The following MARK3 variants were observed in gnomAD, a reference collection of about 807,000 sequenced individuals.
MARK3 encodes the protein microtubule affinity regulating kinase 3.
MARK3 carries 46 observed loss-of-function variants against 90.1 expected under a neutral mutation model. The ratio of observed to expected loss-of-function variants is 0.51; its 90% CI spans 0.40 to 0.65. The LOEUF (loss-of-function observed/expected upper bound fraction) is 0.65, where lower values mean the gene tolerates loss of function less well. Ranked by LOEUF, MARK3 falls within the 30% of genes least tolerant of loss-of-function variation. The pLI is 0.00. For synonymous variants in MARK3, 321 were observed against 332.6 expected, an observed-to-expected ratio of 0.97 and a Z score of 0.38; for missense variants, 818 against 947.2, an observed-to-expected ratio of 0.86 and a Z score of 1.79.
At chr14:103,456,170 C>T (rs1566875868) in intron 5 of MARK3, among the ~76,000 whole-genome samples, 1 of 152,204 alleles carries the variant, frequency 6.6e-6, no homozygotes, top group African/African-American at 2.4e-5. Flanking sequence ...TGAGCTCCTA[C>T]TTCTCACCAC....
At chr14:103,415,566 C>T (rs752208536) in intron 2 of MARK3, among the ~76,000 whole-genome samples, 1 of 152,114 alleles carries the variant, frequency 6.6e-6, no homozygotes, top group Non-Finnish European at 1.5e-5. Context: ...CTTTTCATAG[C>T]TTATGGTTAT....
intron 3 of MARK3, among the ~76,000 whole-genome samples, chr14:103,435,972 C>T (rs1347912475): frequency 1.3e-5 from 2 of 151,892 alleles, no homozygotes; most frequent in East Asian, 1.9e-4. Context: ...CTCACTGCAA[C>T]CCCTGCCTCC....
chr14:103,428,415 A>G lies in MARK3; in HGVS notation c.272A>G (p.Gln91Arg). The G allele has an allele frequency of 6.7e-7, 1 of 1,501,078 alleles. No homozygotes were observed. The highest frequency in any genetic ancestry group is 9.0e-7 in the Non-Finnish European group (1 of 1,107,588). 93.0% of individuals were successfully genotyped at this position (1,501,078 alleles called of 1,614,324 possible). A position where few individuals can be genotyped will look rare whatever the true frequency, so the allele number is the denominator to read the frequency against. ...GCAATAAAAATAATTGACAAAACTC[A>G]GTTGAATCCAACAAGTCTACAAAAG... ...EVAIKIIDKT[Q>R]LNPTSLQKLF... is the part of the protein sequence containing the mutation. The change falls in exon 3 of 18, where the codon CAG becomes CGG. Residue 91 changes from glutamine (Q) to arginine (R), a missense_variant. Gln to Arg is a conservative substitution (Grantham distance 43). This residue lies in a region of MARK3 where 157 missense variants were observed against 158.7 expected (regional missense o/e 0.99). Transcript: ENST00000429436.
Position 103,467,120 on chromosome 14 carries a change from G to A in MARK3, c.1039G>A (p.Glu347Lys), listed in dbSNP as rs886726891. The part of the protein sequence containing the change: ...GMGYSQEEIQ[E>K]SLSKMKYDEI... ...GGGATATTCACAAGAAGAAATTCAA[G>A]AATCTCTTAGTAAGATGAAATACGA... The change falls in exon 11 of 18, where the codon GAA (glutamate) becomes AAA (lysine). Residue 347 changes from glutamate (E) to lysine (K), a missense_variant. Around this residue, in one of 3 missense-constraint regions of MARK3, gnomAD observed 560 missense variants for 613.5 expected, o/e 0.91. Transcript: ENST00000429436. 6 of 1,596,736 alleles carry A rather than the reference G, an allele frequency of 3.8e-6. No homozygotes were observed. The African/African-American group carries it at 6.7e-5, about 18-fold the overall frequency.
chr14:103,480,035 C>T (rs2093791644), intron 13 of MARK3, among the ~76,000 whole-genome samples: 1 of 152,010 alleles, frequency 6.6e-6, no homozygotes, highest in African/African-American at 2.4e-5. Context: ...GCAGGAGAAT[C>T]GCTTGAACCC....
chr14:103,426,909 AT>A lies in MARK3; in HGVS notation c.244-1473del, dbSNP rs758359539. 1.7e-3 allele frequency among the ~76,000 whole-genome samples: 253 copies of A among 145,834 alleles called. 1 individual carries two copies. Among genetic ancestry groups the A allele is most frequent in the South Asian group, 4.2e-3 (19 of 4,486 alleles). On this transcript the variant is annotated intron_variant, in intron 2 of 17. Transcript: ENST00000429436. ...TTCTATTTAAAAAAAAAAAAAAAAAATTTTTAAAGTTTTCAGATTCAATACC... is the reference window on the plus strand; with the variant it reads ...TTCTATTTAAAAAAAAAAAAAAAAAATTTTAAAGTTTTCAGATTCAATACC...
At chr14:103,475,293 G>A in intron 13 of MARK3, 83 bp downstream of exon 13, 1 of 1,150,710 alleles carries the variant, frequency 8.7e-7, no homozygotes, top group Non-Finnish European at 1.3e-6. Context: ...TTACTCCTGT[G>A]GTCTCTCGTA....
chr14:103,435,385 T>C (rs2092689040), intron 3 of MARK3, among the ~76,000 whole-genome samples: 1 of 151,152 alleles, frequency 6.6e-6, no homozygotes, highest in Non-Finnish European at 1.5e-5. Context: ...ATTTCTCTCT[T>C]CTTCCAATTT....
intron 7 of MARK3, among the ~76,000 whole-genome samples, chr14:103,464,804 C>G (rs1274623774): frequency 6.6e-6 from 1 of 151,996 alleles, no homozygotes; most frequent in East Asian, 1.9e-4. Context: ...TTAAGAGGTC[C>G]TCCTACCTCA....
Position 103,485,063 on chromosome 14 carries a change from C to CAA in MARK3, c.1586+4589_1586+4590dup, listed in dbSNP as rs34312214. On this transcript the variant is annotated intron_variant, in intron 14 of 17. Coordinates refer to ENST00000429436, the MANE Select transcript of MARK3 (RefSeq NM_001128918.3). The stretch of plus-strand genomic sequence containing the variant: ...AGAAACCCCATCTCTACTAAAAATA[C>CAA]AAAAAAAAAAAAAAAAATTAGCCAG... Among the ~76,000 whole-genome samples, 21 of 97,750 alleles carry CAA rather than the reference C, an allele frequency of 2.1e-4. 1 individual carries two copies. In the South Asian group the frequency reaches 3.8e-3, roughly 18 times the overall value. The allele number at this position is 97,750 out of a possible 152,430, so 64.1% of individuals were successfully genotyped here. A position where few individuals can be genotyped will look rare whatever the true frequency, so the allele number is the denominator to read the frequency against.
chr14:103,431,162 A>T (rs1360561907), intron 3 of MARK3, among the ~76,000 whole-genome samples: 1 of 152,062 alleles, frequency 6.6e-6, no homozygotes, highest in African/African-American at 2.4e-5. Flanking sequence ...ATCTGAGTTC[A>T]CTGCAGTCTC....
At chr14:103,402,609 A>G (rs182992021) in intron 1 of MARK3, among the ~76,000 whole-genome samples, 71 of 152,300 alleles carry the variant, frequency 4.7e-4, no homozygotes, top group Non-Finnish European at 8.5e-4. Flanking sequence ...GTTGGTTTGC[A>G]TGAAAATTAT....
At chr14:103,437,566 G>T (rs2092746408) in intron 3 of MARK3, among the ~76,000 whole-genome samples, 1 of 152,112 alleles carries the variant, frequency 6.6e-6, no homozygotes, top group African/African-American at 2.4e-5. Context: ...GGGATTACAG[G>T]CACACACCAC....
At position 103,458,962 on chromosome 14, in the gene MARK3, A is replaced by G. The variant is rs1184298507; in HGVS notation, c.483+1750A>G. Among the ~76,000 whole-genome samples the G allele has an allele frequency of 2.6e-5, 4 of 152,172 alleles. No individual in the cohort carries two copies. The East Asian group carries it at 7.7e-4, about 29-fold the overall frequency. ...GTTTTTAAAGCTATAAAAAAAAAAG[A>G]AATTATTCTTGATGAATTCCATAGT... On this transcript the variant is annotated intron_variant, in intron 6 of 17. Coordinates refer to ENST00000429436, the MANE Select transcript of MARK3 (RefSeq NM_001128918.3).
chr14:103,482,099 G>C (rs1397036714), intron 14 of MARK3, among the ~76,000 whole-genome samples: 1 of 151,964 alleles, frequency 6.6e-6, no homozygotes, highest in South Asian at 2.1e-4. Flanking sequence ...CTCTCTGGTA[G>C]ATTTGTATTA....
At chr14:103,392,472 G>T (rs1489673560) in intron 1 of MARK3, among the ~76,000 whole-genome samples, 1 of 152,130 alleles carries the variant, frequency 6.6e-6, no homozygotes, top group Non-Finnish European at 1.5e-5. Flanking sequence ...TGATGTTGAT[G>T]CTCCAGGTCC....
intron 1 of MARK3, among the ~76,000 whole-genome samples, chr14:103,401,798 A>G (rs1328804739): frequency 6.6e-6 from 1 of 152,242 alleles, no homozygotes; most frequent in Non-Finnish European, 1.5e-5. Flanking sequence ...AGATACAAGC[A>G]AAGTACTCTA....
At chr14:103,426,527 G>A (rs2092409552) in intron 2 of MARK3, among the ~76,000 whole-genome samples, 1 of 152,062 alleles carries the variant, frequency 6.6e-6, no homozygotes, top group South Asian at 2.1e-4. Flanking sequence ...TTGATCTTAT[G>A]GGGGTGGGCT....
chr14:103,395,116 G>A (rs1652593758), intron 1 of MARK3, among the ~76,000 whole-genome samples: 1 of 152,128 alleles, frequency 6.6e-6, no homozygotes, highest in Non-Finnish European at 1.5e-5. Flanking sequence ...GATGTGTGAT[G>A]GAAAGAGTCT....
Sources: gnomAD v4.1 joint callset for allele counts (sites outside exome capture counted in the v4.1 genomes callset) on GRCh38, gnomAD v4.1.1 for gene constraint, gnomAD v4.1.1 regional missense constraint, MANE v1.5 for transcripts, NCBI Gene and HGNC (gene_info 2026-07-23, HGNC 2026-07-21) for gene names.